ZFHX2: variants seen among roughly 807,000 people sequenced by gnomAD.
The protein encoded by ZFHX2 is zinc finger homeobox 2.
In ZFHX2, 75 loss-of-function variants were observed where a neutral mutation model predicts 164.8. That is an observed-to-expected ratio of 0.46 (90% CI 0.38 to 0.55). The LOEUF is 0.55. ZFHX2 is among the 20% of genes least tolerant of loss of function. The pLI is 0.00. For missense variants in ZFHX2, 2,933 were observed against 3,308.0 expected (o/e 0.89, Z 2.78); for synonymous variants, 1,217 against 1,351.4 (o/e 0.90, Z 2.18).
chr14:23,542,623 C>T (rs555175886), intron 1 of ZFHX2, among the ~76,000 whole-genome samples: 1 of 152,280 alleles, frequency 6.6e-6, no homozygotes, highest in East Asian at 1.9e-4. Context: ...CAGCTCGGAA[C>T]CCTTCTTCTG....
chr14:23,530,698 C>G, intron 4 of ZFHX2: 1 of 336,098 alleles, frequency 3.0e-6, no homozygotes, highest in East Asian at 8.3e-5. Context: ...GTTAAAGTTC[C>G]TTAACTCCAT....
Position 23,526,989 on chromosome 14 carries a change from G to C in ZFHX2, c.3136-16C>G, listed in dbSNP as rs1344546459. On this transcript the variant is annotated splice_polypyrimidine_tract_variant and intron_variant, in intron 7 of 9. Transcript: ENST00000419474. ...CAGTTGTAGCCTGCAATGAGAAAAA[G>C]CCTAGTGGCTTCACCACCACCCCCC... 2.7e-6 allele frequency: 4 copies of C among 1,491,004 alleles called. No homozygotes were observed. In the Admixed American group the frequency reaches 8.9e-5, roughly 33 times the overall value. The allele number at this position is 1,491,004 out of a possible 1,614,324, so 92.4% of individuals were successfully genotyped here. A position where few individuals can be genotyped will look rare whatever the true frequency, so the allele number is the denominator to read the frequency against.
At chr14:23,528,479 T>G (rs1390849200) in intron 6 of ZFHX2, 1 of 544,782 alleles carries the variant, frequency 1.8e-6, no homozygotes, top group Non-Finnish European at 2.3e-6. Flanking sequence ...GCCCCCACCT[T>G]GGATTTAGTT....
intron 1 of ZFHX2, among the ~76,000 whole-genome samples, chr14:23,550,482 T>C (rs907967343): frequency 8.6e-5 from 13 of 151,874 alleles, no homozygotes; most frequent in Non-Finnish European, 1.8e-4. Flanking sequence ...ATCACTCAGA[T>C]GGGAAGGGTC....
At position 23,521,955 on chromosome 14, in the gene ZFHX2, A is replaced by C. The variant is rs1435056067; in HGVS notation, c.*7T>G. ...GCCCTCCCCTCTCCCCATCTTGGTT[A>C]ATCTGTTTATAAAGCTAGAAGTGTA... On this transcript the variant is annotated 3_prime_UTR_variant, in exon 10 of 10. Transcript: ENST00000419474. 2.6e-6 allele frequency: 4 copies of C among 1,535,946 alleles called. No individual in the cohort carries two copies. The highest frequency in any genetic ancestry group is 3.5e-6 in the Non-Finnish European group (4 of 1,146,844).
rs1878042030 is a variant in ZFHX2 at position 23,521,894 on chromosome 14, C to A, written c.*68G>T. On this transcript the variant is annotated 3_prime_UTR_variant, in exon 10 of 10. Transcript: ENST00000419474. Reference sequence around the variant, plus strand: ...GTGGGGTGAGGGATTTGAGCTCCCACCGAACACCCCTTGGGGTAAAAGAGG... The same window carrying A: ...GTGGGGTGAGGGATTTGAGCTCCCAACGAACACCCCTTGGGGTAAAAGAGG... The A allele has an allele frequency of 3.3e-6, 5 of 1,521,196 alleles. No homozygotes were observed. The highest frequency in any genetic ancestry group is 4.4e-6 in the Non-Finnish European group (5 of 1,140,220). 94.2% of individuals were successfully genotyped at this position (1,521,196 alleles called of 1,614,324 possible).
Position 23,522,155 on chromosome 14 carries a change from GC to G in ZFHX2, c.7525del (p.Ala2509ProfsTer2). 6.6e-7 allele frequency: 1 copy of G among 1,511,180 alleles called. No homozygotes were observed. Among genetic ancestry groups the G allele is most frequent in the Non-Finnish European group, 8.8e-7 (1 of 1,134,554 alleles). The allele number at this position is 1,511,180 out of a possible 1,614,324, so 93.6% of individuals were successfully genotyped here. ...ACEVLLSGREALASHLRSSAH... is the reference protein window; with the variant it reads ...ACEVLLSGREXLASHLRSSAH... ...CGAGGAGCGCAGGTGGGAGGCTAGGGCTTCACGCCCACTCAGCAGCACCTCA... is the reference window on the plus strand; with the variant it reads ...CGAGGAGCGCAGGTGGGAGGCTAGGGTTCACGCCCACTCAGCAGCACCTCA... On this transcript the variant is annotated frameshift_variant, in exon 10 of 10. Transcript: ENST00000419474. LOFTEE classifies it high-confidence loss of function.
intron 4 of ZFHX2, chr14:23,530,690 T>TA (rs1421989289): frequency 5.9e-6 from 2 of 341,698 alleles, no homozygotes; most frequent in Middle Eastern, 1.0e-3. Context: ...ATTAAAGTGT[T>TA]AAAGTTCCTT....
chr14:23,537,010 C>T (rs987109690), intron 1 of ZFHX2, among the ~76,000 whole-genome samples: 1 of 151,978 alleles, frequency 6.6e-6, no homozygotes, highest in Admixed American at 6.6e-5. Context: ...CGTGGTGGTG[C>T]ATGCCTGTAA....
rs1182611455 is a variant in ZFHX2 at position 23,551,674 on chromosome 14, T to TCTCCTCCTCGCCCTCCTCCTCCTC, written c.-405_-382dup. The TCTCCTCCTCGCCCTCCTCCTCCTC allele has an allele frequency of 3.3e-5, 5 of 151,734 alleles. No individual in the cohort carries two copies. The highest frequency in any genetic ancestry group is 1.3e-4 in the Admixed American group (2 of 15,016). 9.4% of individuals were successfully genotyped at this position (151,734 alleles called of 1,614,324 possible). ...CCTGCCTCCTCCTCCTCCTCCTCCT[T>TCTCCTCCTCGCCCTCCTCCTCCTC]CTCCTCCTCGCCCTCCTCCTCCTCC... is the stretch of plus-strand genomic sequence containing the variant. On this transcript the variant is annotated 5_prime_UTR_variant, in exon 1 of 10. Coordinates refer to ENST00000419474, the MANE Select transcript of ZFHX2 (RefSeq NM_033400.3). The surrounding 1 kb of genome is among the most constrained non-coding windows in gnomAD (Gnocchi z 5.3).
rs1328726804 is a variant in ZFHX2 at position 23,525,704 on chromosome 14, G to T, written c.4238C>A (p.Pro1413His). ...AELAEREWER[P>H]PMAKEGNEAG... ...CTCATTACCCTCTTTGGCCATGGGGGGCCGCTCCCACTCCCGCTCAGCCAG... is the reference window on the plus strand; with the variant it reads ...CTCATTACCCTCTTTGGCCATGGGGTGCCGCTCCCACTCCCGCTCAGCCAG... Residue 1413 changes from proline (P) to histidine (H), a missense_variant, in exon 9 of 10, where the codon CCC becomes CAC. Transcript: ENST00000419474. This position sits in a 1 kb window ranked among gnomAD's most constrained non-coding sequence, Gnocchi z 5.9. 5.9e-6 allele frequency: 9 copies of T among 1,524,196 alleles called. No homozygotes were observed. The highest frequency in any genetic ancestry group is 7.0e-6 in the Non-Finnish European group (8 of 1,140,290). The allele number at this position is 1,524,196 out of a possible 1,614,324, so 94.4% of individuals were successfully genotyped here.
intron 1 of ZFHX2, among the ~76,000 whole-genome samples, chr14:23,537,752 G>T (rs1427301150): frequency 6.6e-6 from 1 of 152,182 alleles, no homozygotes; most frequent in Non-Finnish European, 1.5e-5. Context: ...AGGGAGAAAG[G>T]TATTCCTCCT....
chr14:23,531,378 C>A, intron 4 of ZFHX2, 103 bp downstream of exon 4: 1 of 1,327,458 alleles, frequency 7.5e-7, no homozygotes, highest in Non-Finnish European at 9.7e-7. Context: ...GGCCTACAGG[C>A]CCTCTTCGCC....
chr14:23,531,745 C>T lies in ZFHX2; in HGVS notation c.2560-24G>A, dbSNP rs888511991. 3.8e-6 allele frequency: 5 copies of T among 1,317,632 alleles called. No individual in the cohort carries two copies. The East Asian group carries it at 1.5e-4, about 38-fold the overall frequency. 81.6% of individuals were successfully genotyped at this position (1,317,632 alleles called of 1,614,324 possible). A position where few individuals can be genotyped will look rare whatever the true frequency, so the allele number is the denominator to read the frequency against. On this transcript the variant is annotated intron_variant, in intron 3 of 9. Coordinates refer to ENST00000419474, the MANE Select transcript of ZFHX2 (RefSeq NM_033400.3). ...AACTAGAACCATGGGAAGAGGCTGG[C>T]TCAGGCCCAGAAGGGACATGCCAGA...
chr14:23,547,301 G>A (rs1489636912), intron 1 of ZFHX2, among the ~76,000 whole-genome samples: 1 of 152,250 alleles, frequency 6.6e-6, no homozygotes, highest in Admixed American at 6.5e-5. Context: ...CTTGGGATAG[G>A]TGTTTAGAAT....
chr14:23,535,744 C>T lies in ZFHX2; in HGVS notation c.-49-370G>A. On this transcript the variant is annotated intron_variant, in intron 1 of 9. Coordinates refer to ENST00000419474, the MANE Select transcript of ZFHX2 (RefSeq NM_033400.3). This position sits in a 1 kb window ranked among gnomAD's most constrained non-coding sequence, Gnocchi z 4.5. ...AGTAGCTGGGATTACAGGCTTGTGC[C>T]ACCACACCTGACTAATTTTGTATTT... Among the ~76,000 whole-genome samples, 1 of 152,056 alleles carries T rather than the reference C, an allele frequency of 6.6e-6. No homozygotes were observed. The highest frequency in any genetic ancestry group is 1.5e-5 in the Non-Finnish European group (1 of 68,018).
In ZFHX2 at chr14:23,521,696, T is replaced by C. The variant is rs1236899907; in HGVS notation, c.*266A>G. On this transcript the variant is annotated 3_prime_UTR_variant, in exon 10 of 10. Coordinates refer to ENST00000419474, the MANE Select transcript of ZFHX2 (RefSeq NM_033400.3). ...TGAATAATCAGGGTGCCAAGATGGG[T>C]GTATGTGTCTGTGAAGATGGGCAAG... 2 of 484,684 alleles carry C rather than the reference T, an allele frequency of 4.1e-6. No homozygotes were observed. Among genetic ancestry groups the C allele is most frequent in the Non-Finnish European group, 7.2e-6 (2 of 277,404 alleles). The allele number at this position is 484,684 out of a possible 1,614,324, so 30.0% of individuals were successfully genotyped here.
Position 23,525,054 on chromosome 14 carries a change from T to C in ZFHX2, c.4888A>G (p.Ser1630Gly). 6.5e-7 allele frequency: 1 copy of C among 1,536,134 alleles called. No homozygotes were observed. The highest frequency in any genetic ancestry group is 8.7e-7 in the Non-Finnish European group (1 of 1,146,882). The change falls in exon 9 of 10, where the codon AGT becomes GGT. Residue 1630 changes from serine (S) to glycine (G), a missense_variant. Physicochemically the swap from Ser to Gly is moderately conservative, Grantham distance 56. Coordinates refer to ENST00000419474, the MANE Select transcript of ZFHX2 (RefSeq NM_033400.3). The surrounding 1 kb of genome is among the most constrained non-coding windows in gnomAD (Gnocchi z 5.9). The stretch of plus-strand genomic sequence containing the variant: ...ACACGGCTAGCCAGACCCAACAGAC[T>C]TGCGAGTCGCTCCACCTCTCCGTCT... ...PKDGEVERLA[S>G]LLGLASRVVV...
rs1881921534 is a variant in ZFHX2 at position 23,551,220 on chromosome 14, C to T, written c.-50+123G>A. 6.5e-6 allele frequency: 1 copy of T among 152,960 alleles called. No individual in the cohort carries two copies. The highest frequency in any genetic ancestry group is 6.5e-5 in the Admixed American group (1 of 15,298). 9.5% of individuals were successfully genotyped at this position (152,960 alleles called of 1,614,324 possible). A position where few individuals can be genotyped will look rare whatever the true frequency, so the allele number is the denominator to read the frequency against. Reference sequence around the variant, plus strand: ...CCTTCCCGTCCCTCTCCGTCCCCTCCAGCGGCAGTCTCCAAGCGCCTCCTC... The same window carrying T: ...CCTTCCCGTCCCTCTCCGTCCCCTCTAGCGGCAGTCTCCAAGCGCCTCCTC... On this transcript the variant is annotated intron_variant, in intron 1 of 9. Coordinates refer to ENST00000419474, the MANE Select transcript of ZFHX2 (RefSeq NM_033400.3). This position sits in a 1 kb window ranked among gnomAD's most constrained non-coding sequence, Gnocchi z 5.3.
Sources: gnomAD v4.1 joint callset for allele counts (sites outside exome capture counted in the v4.1 genomes callset) on GRCh38, gnomAD v4.1.1 for gene constraint, Gnocchi (gnomAD v3.1) non-coding constraint, MANE v1.5 for transcripts, NCBI Gene and HGNC (gene_info 2026-07-23, HGNC 2026-07-21) for gene names.